Variants in GADL1 observed in about 807,000 individuals in gnomAD.
The protein encoded by GADL1 is acidic amino acid decarboxylase GADL1.
GADL1 carries 71 observed loss-of-function variants against 69.5 expected under a neutral mutation model. The observed-to-expected ratio is 1.02, with a 90% CI of 0.84 to 1.25. The LOEUF is 1.25. Among genes scored for constraint, GADL1 ranks in the 50% most tolerant of loss-of-function variants. The pLI, the probability that GADL1 is intolerant of heterozygous loss-of-function variation, is 0.00. For missense variants in GADL1, 737 were observed against 631.8 expected (o/e 1.17, Z -1.79); for synonymous variants, 254 against 214.4 (o/e 1.18, Z -1.62).
intron 1 of GADL1, among the ~76,000 whole-genome samples, chr3:30,885,423 G>A (rs1698690102): frequency 6.6e-6 from 1 of 152,006 alleles, no homozygotes; most frequent in Non-Finnish European, 1.5e-5. Flanking sequence ...GATGGATAAA[G>A]CTAAAAAGCC....
intron 11 of GADL1, among the ~76,000 whole-genome samples, chr3:30,818,078 G>T (rs1697505410): frequency 6.6e-6 from 1 of 152,112 alleles, no homozygotes; most frequent in African/African-American, 2.4e-5. Flanking sequence ...TCCTTGCCCA[G>T]TTCACAATGA....
intron 12 of GADL1, among the ~76,000 whole-genome samples, chr3:30,792,238 A>C (rs988194285): frequency 3.3e-5 from 5 of 152,222 alleles, no homozygotes; most frequent in African/African-American, 9.6e-5. Context: ...AAGTTTGAAC[A>C]CTGCTAGGCA....
intron 14 of GADL1, among the ~76,000 whole-genome samples, chr3:30,770,677 G>T (rs1420255689): frequency 1.3e-5 from 2 of 152,094 alleles, no homozygotes; most frequent in African/African-American, 4.8e-5. Context: ...TCAGAGAACT[G>T]GTCTCATCCT....
At chr3:30,829,191 T>G (rs1223110328) in intron 11 of GADL1, among the ~76,000 whole-genome samples, 1 of 151,904 alleles carries the variant, frequency 6.6e-6, no homozygotes. Context: ...CACAGGTTTT[T>G]TTTAAAATCC....
At chr3:30,753,528 A>G (rs1259309586) in intron 14 of GADL1, among the ~76,000 whole-genome samples, 1 of 151,582 alleles carries the variant, frequency 6.6e-6, no homozygotes, top group African/African-American at 2.4e-5. Context: ...AAGGTGATTA[A>G]TGAAAAATCC....
intron 12 of GADL1, among the ~76,000 whole-genome samples, chr3:30,790,639 A>T (rs1267590800): frequency 6.6e-6 from 1 of 152,176 alleles, no homozygotes; most frequent in Non-Finnish European, 1.5e-5. Context: ...GTTGCTATAA[A>T]CCTTTTAAGT....
intron 9 of GADL1, among the ~76,000 whole-genome samples, chr3:30,836,376 C>A (rs1356840157): frequency 6.8e-6 from 1 of 146,880 alleles, no homozygotes; most frequent in East Asian, 2.0e-4. Flanking sequence ...TTAGGAACAG[C>A]TCATCCATAA....
intron 14 of GADL1, among the ~76,000 whole-genome samples, chr3:30,771,597 T>C (rs963072141): frequency 8.6e-5 from 13 of 151,360 alleles, no homozygotes; most frequent in African/African-American, 3.2e-4. Flanking sequence ...TGATAACTAC[T>C]AGGAAACAGG....
At chr3:30,774,898 A>AG (rs1696497373) in intron 14 of GADL1, among the ~76,000 whole-genome samples, 1 of 152,140 alleles carries the variant, frequency 6.6e-6, no homozygotes. Flanking sequence ...GCAGAGACGG[A>AG]GGTAAAGAGG....
chr3:30,849,663 G>C (rs1305032401), intron 6 of GADL1, among the ~76,000 whole-genome samples: 1 of 152,026 alleles, frequency 6.6e-6, no homozygotes, highest in African/African-American at 2.4e-5. Context: ...GTGAGTAGAA[G>C]ACATAGCTGA....
chr3:30,750,799 T>C (rs1695798719), intron 14 of GADL1, among the ~76,000 whole-genome samples: 1 of 151,928 alleles, frequency 6.6e-6, no homozygotes, highest in Non-Finnish European at 1.5e-5. Flanking sequence ...TATTTTCAGC[T>C]TGACTAAAAA....
chr3:30,754,481 C>T (rs17029875), intron 14 of GADL1, among the ~76,000 whole-genome samples: 14,570 of 133,684 alleles, frequency 0.11, 784 homozygotes, highest in South Asian at 0.24. Context: ...GACGGACTCT[C>T]GAATCTTCAG....
intron 14 of GADL1, among the ~76,000 whole-genome samples, chr3:30,732,305 T>C (rs1695470657): frequency 6.6e-6 from 1 of 152,224 alleles, no homozygotes; most frequent in South Asian, 2.1e-4. Context: ...GTGAGATTGC[T>C]TTCCAGCTCT....
At chr3:30,774,616 T>G (rs921625506) in intron 14 of GADL1, among the ~76,000 whole-genome samples, 1 of 152,210 alleles carries the variant, frequency 6.6e-6, no homozygotes, top group East Asian at 1.9e-4. Context: ...AATACTGTCA[T>G]GCTCAAGTAT....
chr3:30,804,821 A>G (rs1404877487), intron 11 of GADL1, among the ~76,000 whole-genome samples: 1 of 152,158 alleles, frequency 6.6e-6, no homozygotes, highest in African/African-American at 2.4e-5. Flanking sequence ...GGTTTTCTTT[A>G]ACATTACCCA....
At chr3:30,758,840 A>G (rs1043867174) in intron 14 of GADL1, among the ~76,000 whole-genome samples, 2 of 152,240 alleles carry the variant, frequency 1.3e-5, no homozygotes, top group Non-Finnish European at 2.9e-5. Context: ...AAAAGCTGGT[A>G]CAAGTGTCGC....
At chr3:30,798,755 C>T (rs1697100708) in intron 12 of GADL1, 1 of 106,028 alleles carries the variant, frequency 9.4e-6, no homozygotes, top group South Asian at 2.7e-4. Context: ...TGCCTACGAA[C>T]CTGTAAGGTC....
In GADL1 at chr3:30,843,798, C is replaced by T. The variant is rs375729304; in HGVS notation, c.786+412G>A. Among the ~76,000 whole-genome samples, 40 of 152,252 alleles carry T rather than the reference C, an allele frequency of 2.6e-4. 1 individual carries two copies. The highest frequency in any genetic ancestry group is 9.1e-4 in the African/African-American group (38 of 41,540). On this transcript the variant is annotated intron_variant, in intron 8 of 14. Transcript: ENST00000282538. ...AGGTTGGTCAAGAAATCAAAAATCA[C>T]CCTGAATACAGCCCAGAGAAAATTG...
At chr3:30,728,451 C>T in intron 14 of GADL1, 36 bp from the exon 15 acceptor site, 1 of 1,573,372 alleles carries the variant, frequency 6.4e-7, no homozygotes, top group Non-Finnish European at 8.7e-7. Flanking sequence ...GGTGAAAGAC[C>T]AGAACATCAA....
Sources: gnomAD v4.1 joint callset for allele counts (sites outside exome capture counted in the v4.1 genomes callset) on GRCh38, gnomAD v4.1.1 for gene constraint, MANE v1.5 for transcripts, NCBI Gene and HGNC (gene_info 2026-07-23, HGNC 2026-07-21) for gene names.